PLCL1: variants seen among roughly 807,000 people sequenced by gnomAD.
The protein encoded by PLCL1 is inactive phospholipase C-like protein 1.
PLCL1 carries 41 observed loss-of-function variants against 84.4 expected under a neutral mutation model. The ratio of observed to expected loss-of-function variants is 0.49; its 90% CI spans 0.38 to 0.63. The LOEUF is 0.63. PLCL1 is among the 30% of genes least tolerant of loss of function. The pLI is 0.00. For synonymous variants in PLCL1, 490 were observed against 488.3 expected (o/e 1.00, Z -0.05); for missense variants, 1,206 against 1,367.8 (o/e 0.88, Z 1.87).
chr2:198,042,099 T>C (rs965025944), intron 1 of PLCL1, among the ~76,000 whole-genome samples: 1 of 152,204 alleles, frequency 6.6e-6, no homozygotes, highest in African/African-American at 2.4e-5. Context: ...TGAAGTCTGC[T>C]GATGGCATTT....
intron 5 of PLCL1, among the ~76,000 whole-genome samples, chr2:198,120,970 G>T (rs748264979): frequency 1.3e-5 from 2 of 151,820 alleles, no homozygotes. Flanking sequence ...CCATATCTTC[G>T]CCAGCATTTT....
chr2:197,890,701 T>TATATATATATATATAC (rs11270566), intron 1 of PLCL1, among the ~76,000 whole-genome samples: 8,473 of 117,500 alleles, frequency 0.072, 454 homozygotes, highest in African/African-American at 0.082. Context: ...TATATATATA[T>TATATATATATATATAC]ACACACACAC....
intron 2 of PLCL1, among the ~76,000 whole-genome samples, chr2:198,088,524 A>C (rs549321907): frequency 1.3e-5 from 2 of 152,310 alleles, no homozygotes; most frequent in African/African-American, 4.8e-5. Flanking sequence ...AAAAAAGCCC[A>C]AGTGAAATGC....
In PLCL1 at chr2:198,084,699, G is replaced by T; in HGVS notation, c.1182G>T (p.Lys394Asn). 6.2e-7 allele frequency: 1 copy of T among 1,613,946 alleles called. No homozygotes were observed. The highest frequency in any genetic ancestry group is 8.5e-7 in the Non-Finnish European group (1 of 1,179,856). Residue 394 changes from lysine (K) to asparagine (N), a missense_variant, in exon 2 of 6, where the codon AAG becomes AAT. By Grantham distance (94) the Lys-to-Asn change is moderately conservative. Transcript: ENST00000428675. ...SECDIFDPEQKKVAQDMTQPL... is the reference protein window; with the variant it reads ...SECDIFDPEQNKVAQDMTQPL... ...GTGACATTTTTGATCCTGAGCAAAA[G>T]AAGGTTGCCCAAGATATGACCCAGC...
Position 198,077,591 on chromosome 2 carries a change from A to C in PLCL1, c.241-6167A>C, listed in dbSNP as rs1692609046. On this transcript the variant is annotated intron_variant, in intron 1 of 5. Coordinates refer to ENST00000428675, the MANE Select transcript of PLCL1 (RefSeq NM_006226.4). ...TTCCTCTGGGTTTAGCTCATCTCTA[A>C]CTGCTTTTATTTAATAGGTGACTGT... Among the ~76,000 whole-genome samples, 4 of 152,066 alleles carry C rather than the reference A, an allele frequency of 2.6e-5. No homozygotes were observed. In the South Asian group the frequency reaches 8.3e-4, roughly 32 times the overall value.
chr2:197,938,801 T>C (rs182402928), intron 1 of PLCL1, among the ~76,000 whole-genome samples: 3 of 152,310 alleles, frequency 2.0e-5, no homozygotes, highest in Admixed American at 1.3e-4. Context: ...AGAAAGATAA[T>C]GCATAGCTGT....
At chr2:197,933,946 G>C (rs559269510) in intron 1 of PLCL1, among the ~76,000 whole-genome samples, 1 of 152,100 alleles carries the variant, frequency 6.6e-6, no homozygotes, top group South Asian at 2.1e-4. Context: ...GAGTAATCTG[G>C]GTTAAAAATG....
Position 197,997,533 on chromosome 2 carries a change from A to G in PLCL1, c.241-86225A>G, listed in dbSNP as rs559325061. ...TTTGTTCATCGAGCTGGTCCCCACAATTCACACCCAAAGAGGCCTTTTCAT... is the reference window on the plus strand; with the variant it reads ...TTTGTTCATCGAGCTGGTCCCCACAGTTCACACCCAAAGAGGCCTTTTCAT... On this transcript the variant is annotated intron_variant, in intron 1 of 5. Transcript: ENST00000428675. Among the ~76,000 whole-genome samples the G allele has an allele frequency of 2.5e-4, 38 of 152,290 alleles. No individual in the cohort carries two copies. In the South Asian group the frequency reaches 2.7e-3, roughly 11 times the overall value.
At chr2:198,133,020 G>A (rs915478704) in intron 5 of PLCL1, among the ~76,000 whole-genome samples, 3 of 151,422 alleles carry the variant, frequency 2.0e-5, no homozygotes, top group African/African-American at 7.3e-5. Context: ...GTGTAAGGAA[G>A]GGATCCAGTT....
At chr2:198,079,948 C>T (rs1692670246) in intron 1 of PLCL1, among the ~76,000 whole-genome samples, 1 of 152,162 alleles carries the variant, frequency 6.6e-6, no homozygotes, top group African/African-American at 2.4e-5. Context: ...TTGTTGTAAG[C>T]TGCTCAAAGA....
intron 1 of PLCL1, among the ~76,000 whole-genome samples, chr2:197,811,118 C>G (rs545046142): frequency 2.0e-5 from 3 of 152,330 alleles, no homozygotes; most frequent in African/African-American, 4.8e-5. Flanking sequence ...ACCTCCCTAT[C>G]TATCCTAGAT....
chr2:197,897,608 A>G (rs545474331), intron 1 of PLCL1, among the ~76,000 whole-genome samples: 39 of 152,148 alleles, frequency 2.6e-4, no homozygotes, highest in Admixed American at 6.6e-5. Flanking sequence ...GCTTTAATTA[A>G]TAAGATATTT....
intron 1 of PLCL1, among the ~76,000 whole-genome samples, chr2:198,030,374 G>A (rs1158712640): frequency 6.6e-6 from 1 of 152,060 alleles, no homozygotes; most frequent in African/African-American, 2.4e-5. Flanking sequence ...CGGTGATTGT[G>A]TCACCTCACA....
chr2:197,860,989 T>C (rs557062922), intron 1 of PLCL1, among the ~76,000 whole-genome samples: 1 of 152,280 alleles, frequency 6.6e-6, no homozygotes, highest in Admixed American at 6.5e-5. Context: ...ATCCCTGTCT[T>C]AAGTGGCACA....
chr2:198,083,808 C>T lies in PLCL1; in HGVS notation c.291C>T (p.Ser97=), dbSNP rs1692780961. The T allele has an allele frequency of 1.2e-6, 2 of 1,607,068 alleles. No individual in the cohort carries two copies. Among genetic ancestry groups the T allele is most frequent in the Non-Finnish European group, 1.7e-6 (2 of 1,175,662 alleles). ...CGGRKKTVSF[S]SMPSEKKISS... Reference sequence around the variant, plus strand: ...GAAGAAAGAAAACCGTGTCTTTCAGCAGCATGCCATCGGAAAAGAAAATTA... The same window carrying T: ...GAAGAAAGAAAACCGTGTCTTTCAGTAGCATGCCATCGGAAAAGAAAATTA... The change falls in exon 2 of 6, where the codon AGC becomes AGT. Residue 97 remains serine (S), a synonymous_variant. Coordinates refer to ENST00000428675, the MANE Select transcript of PLCL1 (RefSeq NM_006226.4).
intron 1 of PLCL1, among the ~76,000 whole-genome samples, chr2:197,947,652 T>G (rs969612840): frequency 6.6e-6 from 1 of 152,126 alleles, no homozygotes; most frequent in Non-Finnish European, 1.5e-5. Flanking sequence ...ATGTAATGAA[T>G]GGAGACAGTG....
At chr2:198,037,681 T>C (rs1691578762) in intron 1 of PLCL1, among the ~76,000 whole-genome samples, 1 of 152,170 alleles carries the variant, frequency 6.6e-6, no homozygotes, top group African/African-American at 2.4e-5. Context: ...AATTGAGATT[T>C]TTTCCAAAAC....
At chr2:197,910,286 T>C (rs1688462025) in intron 1 of PLCL1, among the ~76,000 whole-genome samples, 1 of 152,264 alleles carries the variant, frequency 6.6e-6, no homozygotes, top group Non-Finnish European at 1.5e-5. Flanking sequence ...CATTTTGTTC[T>C]GTAACCTTTG....
At chr2:198,076,809 T>A (rs1318704688) in intron 1 of PLCL1, among the ~76,000 whole-genome samples, 1 of 152,226 alleles carries the variant, frequency 6.6e-6, no homozygotes, top group Non-Finnish European at 1.5e-5. Flanking sequence ...CAGACTTCCC[T>A]TTTCTGAAAC....
Sources: allele counts gnomAD v4.1 joint callset (sites outside exome capture counted in the v4.1 genomes callset), GRCh38; gene constraint gnomAD v4.1.1; transcripts MANE v1.5; gene names NCBI Gene and HGNC (gene_info 2026-07-23, HGNC 2026-07-21).